TRMT9B: variants seen among roughly 807,000 people sequenced by gnomAD.
TRMT9B encodes the protein probable tRNA methyltransferase 9B.
Under a neutral mutation model 11.5 loss-of-function variants are expected in TRMT9B, and 16 were observed. The observed-to-expected ratio is 1.39, with a 90% CI of 0.94 to 2.11. The LOEUF is 2.11. Ranked by LOEUF, TRMT9B falls within the 30% of genes most tolerant of loss-of-function variation. The probability of loss-of-function intolerance (pLI) is 0.00; values close to 1 mark genes in which losing one functional copy is unlikely to be tolerated. For missense variants in TRMT9B, 941 were observed against 553.8 expected (o/e 1.70, Z -7.02); for synonymous variants, 274 against 192.4 (o/e 1.42, Z -3.51).
chr8:13,006,553 T>C (rs540145346), intron 3 of TRMT9B, 197 bp downstream of exon 3: 3 of 1,427,570 alleles, frequency 2.1e-6, no homozygotes, highest in South Asian at 3.2e-5. Flanking sequence ...ATTTTTGTTC[T>C]AATAGGAATC....
At chr8:12,989,001 C>T (rs1309879126) in intron 1 of TRMT9B, among the ~76,000 whole-genome samples, 1 of 152,032 alleles carries the variant, frequency 6.6e-6, no homozygotes, top group Non-Finnish European at 1.5e-5. Context: ...ATCTGTATCC[C>T]TAGTGCCTTA....
At position 12,951,103 on chromosome 8, in the gene TRMT9B, G is replaced by C. The variant is rs545670310; in HGVS notation, c.-200+5137G>C. 2.2e-3 allele frequency among the ~76,000 whole-genome samples: 333 copies of C among 152,274 alleles called. 1 individual carries two copies. Among genetic ancestry groups the C allele is most frequent in the African/African-American group, 7.7e-3 (321 of 41,546 alleles). ...TATTGTCATAGAAGCAATGGGGGGA[G>C]GAAAGGTTTGTGTCCAGTTTTGGGC... On this transcript the variant is annotated intron_variant, in intron 1 of 4. Coordinates refer to ENST00000524591, the MANE Select transcript of TRMT9B (RefSeq NM_020844.3).
chr8:13,012,986 A>G, intron 4 of TRMT9B, 129 bp downstream of exon 4: 1 of 1,221,268 alleles, frequency 8.2e-7, no homozygotes, highest in Non-Finnish European at 1.1e-6. Flanking sequence ...AATTTAAAAA[A>G]ATTGTTTCAA....
chr8:12,983,501 CT>C (rs1447151110), intron 1 of TRMT9B, among the ~76,000 whole-genome samples: 1 of 152,108 alleles, frequency 6.6e-6, no homozygotes, highest in African/African-American at 2.4e-5. Flanking sequence ...GAAATCCCAT[CT>C]CTACTAAAAT....
chr8:12,973,405 G>A (rs1235823322), intron 1 of TRMT9B, among the ~76,000 whole-genome samples: 1 of 152,184 alleles, frequency 6.6e-6, no homozygotes, highest in Non-Finnish European at 1.5e-5. Context: ...ATGTGCCACT[G>A]CAGATGAGAT....
chr8:12,996,038 A>G (rs2128881919), intron 2 of TRMT9B, among the ~76,000 whole-genome samples: 1 of 152,332 alleles, frequency 6.6e-6, no homozygotes, highest in Middle Eastern at 3.4e-3. Flanking sequence ...TAATTAGAGA[A>G]TGAAGGTAAG....
At position 13,027,113 on chromosome 8, in the gene TRMT9B, A is replaced by T. The variant is rs1275610066; in HGVS notation, c.*5069A>T. On this transcript the variant is annotated 3_prime_UTR_variant, in exon 5 of 5. Coordinates refer to ENST00000524591, the MANE Select transcript of TRMT9B (RefSeq NM_020844.3). The stretch of plus-strand genomic sequence containing the variant: ...AGTAAGGCAACTGAGGACTATTCAG[A>T]TATTTCATTCACTCCATTTGTTTAC... 1 of 167,076 alleles carries T rather than the reference A, an allele frequency of 6.0e-6. No homozygotes were observed. Among genetic ancestry groups the T allele is most frequent in the African/African-American group, 2.4e-5 (1 of 41,462 alleles). 10.3% of individuals were successfully genotyped at this position (167,076 alleles called of 1,614,324 possible). A position where few individuals can be genotyped will look rare whatever the true frequency, so the allele number is the denominator to read the frequency against.
intron 1 of TRMT9B, among the ~76,000 whole-genome samples, chr8:12,956,848 T>C (rs1269690554): frequency 6.6e-6 from 1 of 152,358 alleles, no homozygotes; most frequent in East Asian, 1.9e-4. Context: ...GATTCCTTTT[T>C]TTCCAAACTA....
At chr8:12,946,941 G>C (rs1029257753) in intron 1 of TRMT9B, among the ~76,000 whole-genome samples, 2 of 152,174 alleles carry the variant, frequency 1.3e-5, no homozygotes, top group African/African-American at 4.8e-5. Context: ...CTTGGATAAA[G>C]GCAGCAGCTA....
At position 13,021,759 on chromosome 8, in the gene TRMT9B, G is replaced by A. The variant is rs745641864; in HGVS notation, c.1080G>A (p.Val360=). 1 of 1,613,968 alleles carries A rather than the reference G, an allele frequency of 6.2e-7. No individual in the cohort carries two copies. The highest frequency in any genetic ancestry group is 8.5e-7 in the Non-Finnish European group (1 of 1,179,894). ...LDSTNTGVNC[V]DAGNIEDDNP... is the part of the protein sequence containing the mutation. ...GCACTAATACTGGTGTGAATTGTGTGGATGCAGGCAACATAGAAGATGATA... is the reference window on the plus strand; with the variant it reads ...GCACTAATACTGGTGTGAATTGTGTAGATGCAGGCAACATAGAAGATGATA... Residue 360 remains valine (V), a synonymous_variant, in exon 5 of 5, where the codon GTG becomes GTA. Transcript: ENST00000524591.
intron 1 of TRMT9B, among the ~76,000 whole-genome samples, chr8:12,946,583 A>T (rs1800275665): frequency 6.6e-6 from 1 of 152,212 alleles, no homozygotes; most frequent in Non-Finnish European, 1.5e-5. Context: ...GATGTCAAGC[A>T]AGATGAGAGC....
intron 1 of TRMT9B, among the ~76,000 whole-genome samples, chr8:12,956,480 C>A (rs2128859389): frequency 6.6e-6 from 1 of 152,268 alleles, no homozygotes; most frequent in Middle Eastern, 3.4e-3. Context: ...GCATACGGTA[C>A]TAATTGAATG....
chr8:13,017,580 A>T (rs527734632), intron 4 of TRMT9B, among the ~76,000 whole-genome samples: 1 of 150,774 alleles, frequency 6.6e-6, no homozygotes, highest in Admixed American at 6.6e-5. Context: ...CATGTCTAAT[A>T]CATTTAATAT....
intron 1 of TRMT9B, among the ~76,000 whole-genome samples, chr8:12,989,513 C>T (rs1349923153): frequency 1.3e-5 from 2 of 152,168 alleles, no homozygotes; most frequent in African/African-American, 2.4e-5. Context: ...CCTACTTCTA[C>T]ACTAGCTACA....
chr8:12,960,443 G>A (rs1259359428), intron 1 of TRMT9B: 2 of 152,096 alleles, frequency 1.3e-5, no homozygotes, highest in Admixed American at 6.6e-5. Flanking sequence ...TGCTCTCCTT[G>A]GACTGTACCT....
intron 1 of TRMT9B, among the ~76,000 whole-genome samples, chr8:12,961,497 G>C (rs1447020975): frequency 1.3e-5 from 2 of 151,598 alleles, no homozygotes. Flanking sequence ...GTCAGGAGAT[G>C]GAGACCATCC....
Position 13,021,838 on chromosome 8 carries a change from T to C in TRMT9B, c.1159T>C (p.Phe387Leu). Residue 387 changes from phenylalanine to leucine, a missense_variant, in exon 5 of 5, where the codon TTC becomes CTC. Transcript: ENST00000524591. ...GATTTCTGCAGTTGATTCCACAGATTTCAACCCAGATGATACAATGTCTGT... is the reference window on the plus strand; with the variant it reads ...GATTTCTGCAGTTGATTCCACAGATCTCAACCCAGATGATACAATGTCTGT... ...RRISAVDSTD[F>L]NPDDTMSVED... is the part of the protein sequence containing the mutation. 1.2e-6 allele frequency: 2 copies of C among 1,613,730 alleles called. No individual in the cohort carries two copies. Among genetic ancestry groups the C allele is most frequent in the Non-Finnish European group, 8.5e-7 (1 of 1,179,744 alleles).
At position 13,022,076 on chromosome 8, in the gene TRMT9B, T is replaced by C. The variant is rs376870983; in HGVS notation, c.*32T>C. The C allele has an allele frequency of 1.3e-4, 184 of 1,444,040 alleles. No individual in the cohort carries two copies. The African/African-American group carries it at 2.5e-3, about 19-fold the overall frequency. 89.5% of individuals were successfully genotyped at this position (1,444,040 alleles called of 1,614,324 possible). On this transcript the variant is annotated 3_prime_UTR_variant, in exon 5 of 5. Transcript: ENST00000524591. Reference sequence around the variant, plus strand: ...CCTTTTAGACAACTCCTCCAAAAGATGAACCACATTCTTTCCTCTTGGTTT... The same window carrying C: ...CCTTTTAGACAACTCCTCCAAAAGACGAACCACATTCTTTCCTCTTGGTTT...
At chr8:13,003,017 C>T (rs547761992) in intron 2 of TRMT9B, among the ~76,000 whole-genome samples, 3 of 152,272 alleles carry the variant, frequency 2.0e-5, no homozygotes, top group Middle Eastern at 3.4e-3. Context: ...ATTCCATTCT[C>T]ACTATGTGTA....
Sources: gnomAD v4.1 joint callset for allele counts (sites outside exome capture counted in the v4.1 genomes callset) on GRCh38, gnomAD v4.1.1 for gene constraint, MANE v1.5 for transcripts, NCBI Gene and HGNC (gene_info 2026-07-23, HGNC 2026-07-21) for gene names.